CNTNAP2: variants seen among roughly 807,000 people sequenced by gnomAD.
CNTNAP2 encodes the protein contactin associated protein 2, also known as contactin-associated protein-like 2.
In CNTNAP2, 98 loss-of-function variants were observed where a neutral mutation model predicts 155.2. The ratio of observed to expected loss-of-function variants is 0.63; its 90% CI spans 0.54 to 0.75. The LOEUF (loss-of-function observed/expected upper bound fraction) is 0.75. Among genes scored for constraint, CNTNAP2 ranks in the 30% least tolerant of loss-of-function variants. CNTNAP2 has a pLI of 0.00. For missense variants in CNTNAP2, 1,727 were observed against 1,688.1 expected, an observed-to-expected ratio of 1.02 and a Z score of -0.40; for synonymous variants, 651 against 631.2, an observed-to-expected ratio of 1.03 and a Z score of -0.47.
At chr7:147,195,481 G>C (rs983030777) in intron 8 of CNTNAP2, among the ~76,000 whole-genome samples, 1 of 151,970 alleles carries the variant, frequency 6.6e-6, no homozygotes, top group Non-Finnish European at 1.5e-5. Flanking sequence ...GTAGTTTCAT[G>C]GGAGTATCAT....
chr7:148,178,200 A>G (rs910759779), intron 18 of CNTNAP2, among the ~76,000 whole-genome samples: 6 of 152,220 alleles, frequency 3.9e-5, no homozygotes, highest in Non-Finnish European at 7.3e-5. Context: ...GATATCTCCA[A>G]ATTCACTCAT....
At chr7:146,164,110 T>C (rs1218874502) in intron 1 of CNTNAP2, among the ~76,000 whole-genome samples, 1 of 152,214 alleles carries the variant, frequency 6.6e-6, no homozygotes, top group Non-Finnish European at 1.5e-5. Flanking sequence ...TCCTTAAAAT[T>C]GGTGAGTCAA....
chr7:146,925,528 T>C (rs1306885022), intron 3 of CNTNAP2, among the ~76,000 whole-genome samples: 1 of 152,116 alleles, frequency 6.6e-6, no homozygotes, highest in Admixed American at 6.6e-5. Flanking sequence ...AATTATGTTG[T>C]TATGTTAATT....
rs371412034 is a variant in CNTNAP2 at position 146,473,339 on chromosome 7, A to G, written c.98-300932A>G. On this transcript the variant is annotated intron_variant, in intron 1 of 23. Transcript: ENST00000361727. ...TGATGTCTAGGCAGAATGTATAAAA[A>G]GATAAAAAGTCCTTGAATTATCTCA... 2.2e-3 allele frequency among the ~76,000 whole-genome samples: 340 copies of G among 152,298 alleles called. 15 individuals carry two copies. In the South Asian group the frequency reaches 0.067, roughly 30 times the overall value.
rs978877731 is a variant in CNTNAP2 at position 146,910,646 on chromosome 7, A to C, written c.402+70742A>C. On this transcript the variant is annotated intron_variant, in intron 3 of 23. Coordinates refer to ENST00000361727, the MANE Select transcript of CNTNAP2 (RefSeq NM_014141.6). ...GATCCCTTCCTTACACCTTATACAAAAATCAATTCAAGATGGATCAAAGAT... is the reference window on the plus strand; with the variant it reads ...GATCCCTTCCTTACACCTTATACAACAATCAATTCAAGATGGATCAAAGAT... Among the ~76,000 whole-genome samples, 19 of 150,642 alleles carry C rather than the reference A, an allele frequency of 1.3e-4. 1 individual carries two copies. The highest frequency in any genetic ancestry group is 2.1e-4 in the Non-Finnish European group (14 of 67,982).
chr7:147,579,676 T>C (rs1472794253), intron 12 of CNTNAP2, among the ~76,000 whole-genome samples: 1 of 152,212 alleles, frequency 6.6e-6, no homozygotes, highest in Non-Finnish European at 1.5e-5. Context: ...ATGTTTTTAA[T>C]GGACTCCCTT....
intron 1 of CNTNAP2, among the ~76,000 whole-genome samples, chr7:146,262,081 G>A (rs756115615): frequency 6.6e-6 from 1 of 152,056 alleles, no homozygotes. Context: ...TTCCACACTG[G>A]TCCTCTCCTG....
chr7:148,227,935 GA>G (rs372398261), intron 19 of CNTNAP2, among the ~76,000 whole-genome samples: 12 of 145,842 alleles, frequency 8.2e-5, no homozygotes, highest in African/African-American at 3.1e-4. Flanking sequence ...GTGTGTGTGT[GA>G]AAGTCTGGAA....
intron 1 of CNTNAP2, among the ~76,000 whole-genome samples, chr7:146,239,558 A>G (rs888601806): frequency 2.6e-5 from 4 of 152,206 alleles, no homozygotes; most frequent in African/African-American, 9.6e-5. Context: ...ATCTTCTCAC[A>G]TTCATCTGAC....
At chr7:146,898,197 A>G (rs1795917157) in intron 3 of CNTNAP2, among the ~76,000 whole-genome samples, 1 of 152,138 alleles carries the variant, frequency 6.6e-6, no homozygotes, top group African/African-American at 2.4e-5. Context: ...ATTTTAATAT[A>G]TAAATACACA....
chr7:146,420,604 C>T (rs1008763666), intron 1 of CNTNAP2, among the ~76,000 whole-genome samples: 1 of 152,078 alleles, frequency 6.6e-6, no homozygotes, highest in Non-Finnish European at 1.5e-5. Flanking sequence ...TTGTTGTCCA[C>T]TGTCTCACCC....
intron 1 of CNTNAP2, among the ~76,000 whole-genome samples, chr7:146,498,183 G>C (rs1797248304): frequency 1.3e-5 from 2 of 152,124 alleles, no homozygotes; most frequent in South Asian, 4.1e-4. Context: ...AAAAGAAGAA[G>C]GATTTGGAAA....
chr7:146,949,433 G>A (rs1010865471), intron 3 of CNTNAP2, among the ~76,000 whole-genome samples: 4 of 151,972 alleles, frequency 2.6e-5, no homozygotes, highest in Admixed American at 6.6e-5. Context: ...ATTTCTCCAC[G>A]TTGCCTGGTA....
chr7:147,899,676 G>A (rs924767221), intron 13 of CNTNAP2, among the ~76,000 whole-genome samples: 5 of 151,978 alleles, frequency 3.3e-5, no homozygotes, highest in Non-Finnish European at 7.4e-5. Context: ...CCTGAGGTCA[G>A]GAGTTCGAGA....
intron 3 of CNTNAP2, chr7:146,915,937 A>G (rs1289356568): frequency 2.6e-5 from 4 of 152,084 alleles, no homozygotes; most frequent in Non-Finnish European, 4.4e-5. Context: ...TCCATTCAGT[A>G]TAATGTTGAC....
intron 2 of CNTNAP2, chr7:146,782,384 T>C (rs1802506946): frequency 6.6e-6 from 1 of 152,166 alleles, no homozygotes; most frequent in Non-Finnish European, 1.5e-5. Context: ...TCATCTTCAA[T>C]TGGCTCTCCT....
At chr7:147,357,084 A>T (rs926267076) in intron 9 of CNTNAP2, among the ~76,000 whole-genome samples, 21 of 152,030 alleles carry the variant, frequency 1.4e-4, no homozygotes, top group African/African-American at 5.1e-4. Context: ...TCTTCTTGTA[A>T]GTTATTTATG....
intron 1 of CNTNAP2, among the ~76,000 whole-genome samples, chr7:146,407,270 A>C (rs1375925155): frequency 1.3e-5 from 2 of 152,200 alleles, no homozygotes; most frequent in Non-Finnish European, 1.5e-5. Context: ...TTGTGGAAAA[A>C]GCATGATCAG....
At chr7:147,563,568 G>C (rs1302473691) in intron 12 of CNTNAP2, among the ~76,000 whole-genome samples, 1 of 152,022 alleles carries the variant, frequency 6.6e-6, no homozygotes, top group Non-Finnish European at 1.5e-5. Flanking sequence ...GGAGGAGGTT[G>C]TAGTGAGCCG....
Sources: gnomAD v4.1 joint callset for allele counts (sites outside exome capture counted in the v4.1 genomes callset) on GRCh38, gnomAD v4.1.1 for gene constraint, MANE v1.5 for transcripts, NCBI Gene and HGNC (gene_info 2026-07-23, HGNC 2026-07-21) for gene names.